The following TBC1D22A variants were observed in gnomAD, a reference collection of about 807,000 sequenced individuals.
TBC1D22A encodes putative GTPase activator.
A neutral mutation model predicts 60.2 loss-of-function variants in TBC1D22A; 38 were observed. The observed-to-expected ratio is 0.63, with a 90% CI of 0.49 to 0.83. The LOEUF (loss-of-function observed/expected upper bound fraction) is 0.83, where lower values mean the gene tolerates loss of function less well. Ranked by LOEUF, TBC1D22A falls within the 40% of genes least tolerant of loss-of-function variation. The pLI is 0.00. For missense variants in TBC1D22A, 628 were observed against 701.0 expected (o/e 0.90, Z 1.18); for synonymous variants, 302 against 281.7 (o/e 1.07, Z -0.72).
intron 4 of TBC1D22A, among the ~76,000 whole-genome samples, chr22:46,811,916 G>C (rs2085394040): frequency 6.6e-6 from 1 of 152,154 alleles, no homozygotes; most frequent in African/African-American, 2.4e-5. Context: ...CCCGTGCTCA[G>C]ATCCTGCCTC....
intron 11 of TBC1D22A, among the ~76,000 whole-genome samples, chr22:47,103,144 G>C (rs1464266252): frequency 6.6e-6 from 1 of 152,176 alleles, no homozygotes; most frequent in Non-Finnish European, 1.5e-5. Flanking sequence ...CCAGGCTCCT[G>C]GTAACCCAAG....
At chr22:47,122,892 C>G (rs1482471728) in intron 12 of TBC1D22A, among the ~76,000 whole-genome samples, 2 of 152,212 alleles carry the variant, frequency 1.3e-5, no homozygotes, top group African/African-American at 4.8e-5. Flanking sequence ...AGCAAATACT[C>G]CTTAGCTCGA....
intron 11 of TBC1D22A, among the ~76,000 whole-genome samples, chr22:47,046,441 T>G (rs1019566408): frequency 2.6e-5 from 4 of 152,004 alleles, no homozygotes; most frequent in African/African-American, 9.7e-5. Context: ...CTGGTTGGGA[T>G]TTGTGCTGGG....
chr22:47,097,235 T>C (rs2065222308), intron 11 of TBC1D22A, among the ~76,000 whole-genome samples: 2 of 111,758 alleles, frequency 1.8e-5, no homozygotes, highest in Admixed American at 2.1e-4. Context: ...ATGCTAGTTT[T>C]GGCCCTTTGC....
At chr22:47,096,106 CA>C (rs2085278015) in intron 11 of TBC1D22A, among the ~76,000 whole-genome samples, 1 of 152,166 alleles carries the variant, frequency 6.6e-6, no homozygotes, top group Non-Finnish European at 1.5e-5. Context: ...ACTTATTACC[CA>C]GCTTTAGCAA....
At chr22:46,976,464 G>A (rs541116259) in intron 9 of TBC1D22A, among the ~76,000 whole-genome samples, 6 of 152,168 alleles carry the variant, frequency 3.9e-5, no homozygotes, top group African/African-American at 1.4e-4. Flanking sequence ...AAGGCCGTCC[G>A]AGCAGAGCTC....
intron 4 of TBC1D22A, among the ~76,000 whole-genome samples, chr22:46,806,298 T>C (rs1376645945): frequency 6.6e-6 from 1 of 151,272 alleles, no homozygotes; most frequent in Non-Finnish European, 1.5e-5. Flanking sequence ...TGAATTCTCA[T>C]AGTCAGTGAC....
At chr22:46,996,792 T>C (rs2075136663) in intron 9 of TBC1D22A, among the ~76,000 whole-genome samples, 1 of 152,192 alleles carries the variant, frequency 6.6e-6, no homozygotes, top group Admixed American at 6.5e-5. Context: ...CCTAGTGTCA[T>C]GTGTGTGCTC....
intron 12 of TBC1D22A, among the ~76,000 whole-genome samples, chr22:47,112,151 G>A (rs528176146): frequency 6.6e-5 from 10 of 152,324 alleles, no homozygotes; most frequent in African/African-American, 2.2e-4. Flanking sequence ...TTGACCTGTG[G>A]GACTCCCTGT....
chr22:47,060,646 G>A (rs1285893437), intron 11 of TBC1D22A, among the ~76,000 whole-genome samples: 1 of 152,170 alleles, frequency 6.6e-6, no homozygotes, highest in Non-Finnish European at 1.5e-5. Context: ...TGGTCAGGCT[G>A]GTCTTGAACT....
chr22:46,798,253 G>T (rs910616469), intron 4 of TBC1D22A, among the ~76,000 whole-genome samples: 1 of 152,234 alleles, frequency 6.6e-6, no homozygotes, highest in African/African-American at 2.4e-5. Flanking sequence ...TGGCCAGGTG[G>T]ACATCCTTGT....
chr22:47,077,560 G>A (rs932463771), intron 11 of TBC1D22A, among the ~76,000 whole-genome samples: 2 of 152,182 alleles, frequency 1.3e-5, no homozygotes, highest in East Asian at 1.9e-4. Flanking sequence ...CTCTATGCCC[G>A]GTGACCTTTA....
intron 7 of TBC1D22A, among the ~76,000 whole-genome samples, chr22:46,903,402 C>T (rs112240317): frequency 7.2e-5 from 11 of 152,334 alleles, no homozygotes; most frequent in Middle Eastern, 3.4e-3. Context: ...ATGGCTGCTC[C>T]GGCTGGCTAG....
intron 1 of TBC1D22A, among the ~76,000 whole-genome samples, chr22:46,781,324 C>T (rs1324717442): frequency 6.6e-6 from 1 of 151,994 alleles, no homozygotes; most frequent in South Asian, 2.1e-4. Context: ...TACAGGAGCA[C>T]ACCACCATGC....
chr22:46,988,925 C>G (rs371039571), intron 9 of TBC1D22A, among the ~76,000 whole-genome samples: 1 of 152,238 alleles, frequency 6.6e-6, no homozygotes. Context: ...AAGGCTGTTT[C>G]ATCTACATGG....
chr22:47,158,605 C>T (rs927516979), intron 12 of TBC1D22A, among the ~76,000 whole-genome samples: 3 of 152,118 alleles, frequency 2.0e-5, no homozygotes, highest in Non-Finnish European at 2.9e-5. Flanking sequence ...GGAGGAGGGC[C>T]GGGAGCCCAA....
intron 12 of TBC1D22A, among the ~76,000 whole-genome samples, chr22:47,162,516 T>C (rs561026501): frequency 3.0e-4 from 46 of 152,316 alleles, no homozygotes; most frequent in African/African-American, 1.0e-3. Flanking sequence ...CGAGGTTTTC[T>C]TTCTTCCTTT....
At position 46,782,539 on chromosome 22, in the gene TBC1D22A, G is replaced by A. The variant is rs569598220; in HGVS notation, c.63-9981G>A. On this transcript the variant is annotated intron_variant, in intron 1 of 12. Transcript: ENST00000337137. ...CGTTCGCCCATTTAAAGTGCTTGGT[G>A]TTTTTAGTATATTCACAGTTAGGCA... Among the ~76,000 whole-genome samples, 31 of 152,278 alleles carry A rather than the reference G, an allele frequency of 2.0e-4. No homozygotes were observed. In the East Asian group the frequency reaches 6.0e-3, roughly 29 times the overall value.
chr22:46,946,579 A>C (rs569440540), intron 8 of TBC1D22A, among the ~76,000 whole-genome samples: 1 of 152,312 alleles, frequency 6.6e-6, no homozygotes, highest in Non-Finnish European at 1.5e-5. Context: ...AGCACTGAGT[A>C]GGTGCACAAG....
Sources: allele counts gnomAD v4.1 joint callset (sites outside exome capture counted in the v4.1 genomes callset), GRCh38; gene constraint gnomAD v4.1.1; transcripts MANE v1.5; gene names NCBI Gene and HGNC (gene_info 2026-07-23, HGNC 2026-07-21).